Variants in PIK3AP1 observed in about 807,000 individuals in gnomAD.
PIK3AP1 encodes the protein phosphoinositide 3-kinase adapter protein 1.
In PIK3AP1, 21 loss-of-function variants were observed where a neutral mutation model predicts 88.1. That is an observed-to-expected ratio of 0.24 (90% CI 0.17 to 0.34). The LOEUF (loss-of-function observed/expected upper bound fraction) is 0.34. Among genes scored for constraint, PIK3AP1 ranks in the 10% least tolerant of loss-of-function variants. The pLI is 1.00. For synonymous variants in PIK3AP1, 398 were observed against 400.0 expected (o/e 1.00, Z 0.06); for missense variants, 828 against 1,035.7 (o/e 0.80, Z 2.75).
chr10:96,604,332 C>G (rs1848962205), intron 14 of PIK3AP1, among the ~76,000 whole-genome samples: 1 of 144,200 alleles, frequency 6.9e-6, no homozygotes, highest in South Asian at 2.2e-4. Flanking sequence ...TGTGTGCCAC[C>G]ACACCTAGCC....
At chr10:96,700,807 T>G (rs1401045704) in intron 2 of PIK3AP1, 1 of 985,494 alleles carries the variant, frequency 1.0e-6, no homozygotes, top group Non-Finnish European at 1.2e-6. Context: ...ACTTACCATC[T>G]GCGAGGCCAC....
intron 10 of PIK3AP1, among the ~76,000 whole-genome samples, chr10:96,626,133 AC>A (rs1181805118): frequency 6.6e-6 from 1 of 152,206 alleles, no homozygotes; most frequent in Non-Finnish European, 1.5e-5. Flanking sequence ...TCAGTATCTA[AC>A]TAATGTCCCA....
At chr10:96,601,077 T>C (rs1417921283) in intron 16 of PIK3AP1, among the ~76,000 whole-genome samples, 1 of 49,548 alleles carries the variant, frequency 2.0e-5, no homozygotes, top group African/African-American at 4.7e-5. Context: ...TCCTCTCCTG[T>C]ATAAAAAAAA....
intron 16 of PIK3AP1, among the ~76,000 whole-genome samples, chr10:96,596,718 C>T (rs898636616): frequency 1.3e-5 from 2 of 152,182 alleles, no homozygotes; most frequent in African/African-American, 4.8e-5. Flanking sequence ...AATGACATTC[C>T]AGTTAGACTA....
At chr10:96,697,956 T>C (rs1284403655) in intron 2 of PIK3AP1, among the ~76,000 whole-genome samples, 1 of 152,260 alleles carries the variant, frequency 6.6e-6, no homozygotes, top group Non-Finnish European at 1.5e-5. Flanking sequence ...TGTATCTTAG[T>C]TTTTTCTTTT....
At chr10:96,689,288 G>A (rs1413660685) in intron 2 of PIK3AP1, among the ~76,000 whole-genome samples, 3 of 151,870 alleles carry the variant, frequency 2.0e-5, no homozygotes, top group Non-Finnish European at 4.4e-5. Context: ...CTCCTGGCCG[G>A]GTGTGGTGGC....
chr10:96,607,969 T>C (rs1349971177), intron 14 of PIK3AP1, among the ~76,000 whole-genome samples: 1 of 152,216 alleles, frequency 6.6e-6, no homozygotes, highest in Non-Finnish European at 1.5e-5. Context: ...GGGTGCAGAC[T>C]ACAGCCACAA....
intron 13 of PIK3AP1, 63 bp from the exon 14 acceptor site, chr10:96,609,930 C>T (rs1308916916): frequency 2.7e-5 from 42 of 1,541,258 alleles, no homozygotes; most frequent in Non-Finnish European, 3.5e-5. Flanking sequence ...CCAAGCTGCT[C>T]AGCAGCTTCC....
chr10:96,704,488 C>A (rs1175510679), intron 2 of PIK3AP1, among the ~76,000 whole-genome samples: 1 of 152,134 alleles, frequency 6.6e-6, no homozygotes, highest in African/African-American at 2.4e-5. Flanking sequence ...GAGGCTGAGG[C>A]AGGCAGATCA....
Position 96,594,445 on chromosome 10 carries a change from A to G in PIK3AP1, c.*1132T>C, listed in dbSNP as rs1005366866. ...CAACATACTTCTTGGCATGCAGCAA[A>G]TTCAAGTTTTGCTTTTTGAAACTTT... On this transcript the variant is annotated 3_prime_UTR_variant, in exon 17 of 17. Coordinates refer to ENST00000339364, the MANE Select transcript of PIK3AP1 (RefSeq NM_152309.3). The surrounding 1 kb of genome is among the most constrained non-coding windows in gnomAD (Gnocchi z 4.6). The G allele has an allele frequency of 1.3e-5, 2 of 152,234 alleles. No homozygotes were observed. Among genetic ancestry groups the G allele is most frequent in the African/African-American group, 4.8e-5 (2 of 41,458 alleles). The allele number at this position is 152,234 out of a possible 1,614,324, so 9.4% of individuals were successfully genotyped here. A position where few individuals can be genotyped will look rare whatever the true frequency, so the allele number is the denominator to read the frequency against.
intron 8 of PIK3AP1, among the ~76,000 whole-genome samples, chr10:96,629,889 G>A (rs1311983767): frequency 2.9e-4 from 10 of 34,910 alleles, no homozygotes; most frequent in African/African-American, 7.5e-4. Context: ...GCAAGACCCT[G>A]TCTCAATAAC....
At chr10:96,671,264 G>A (rs887333226) in intron 2 of PIK3AP1, among the ~76,000 whole-genome samples, 1 of 152,208 alleles carries the variant, frequency 6.6e-6, no homozygotes, top group African/African-American at 2.4e-5. Flanking sequence ...GGAGGTGAGA[G>A]GCTTGCAATG....
At chr10:96,642,417 T>C (rs7099800) in intron 8 of PIK3AP1, among the ~76,000 whole-genome samples, 133,483 of 137,222 alleles carry the variant, frequency 0.97, 64,947 homozygotes, top group South Asian at 1. Context: ...TAGAGCCAGA[T>C]GTTGTCTCAA....
At chr10:96,624,414 T>A (rs1843127175) in intron 10 of PIK3AP1, among the ~76,000 whole-genome samples, 1 of 152,226 alleles carries the variant, frequency 6.6e-6, no homozygotes, top group African/African-American at 2.4e-5. Context: ...TCTGTATTAT[T>A]TCATCTGACC....
intron 2 of PIK3AP1, among the ~76,000 whole-genome samples, chr10:96,674,600 T>C (rs1843891595): frequency 6.6e-6 from 1 of 152,208 alleles, no homozygotes; most frequent in Admixed American, 6.5e-5. Context: ...GCTTAGAATA[T>C]AGTGAGAAAT....
intron 2 of PIK3AP1, among the ~76,000 whole-genome samples, chr10:96,693,951 A>G (rs181099998): frequency 5.9e-5 from 9 of 152,334 alleles, no homozygotes; most frequent in Non-Finnish European, 1.3e-4. Context: ...CCCTGCCTGA[A>G]AGCCATAGTT....
At chr10:96,714,662 T>C (rs1304981414) in intron 1 of PIK3AP1, among the ~76,000 whole-genome samples, 2 of 152,204 alleles carry the variant, frequency 1.3e-5, no homozygotes, top group Non-Finnish European at 2.9e-5. Context: ...GCCTGGAGCA[T>C]CTTGTAGTGC....
intron 2 of PIK3AP1, among the ~76,000 whole-genome samples, chr10:96,662,059 AAATGAGCAAGACTTGATAATATAAATTT>A (rs1386040509): frequency 6.6e-6 from 1 of 152,250 alleles, no homozygotes; most frequent in Non-Finnish European, 1.5e-5. Flanking sequence ...ATCACAATCT[AAATGAGCAAGACTTGATAATATAAATTT>A]AAAACTTTAG....
intron 2 of PIK3AP1, among the ~76,000 whole-genome samples, chr10:96,660,982 C>T (rs138451835): frequency 0.019 from 2,934 of 152,114 alleles, 96 homozygotes; most frequent in African/African-American, 0.059. Flanking sequence ...GTCAGGAGTT[C>T]GAGACCAGCC....
Sources: gnomAD v4.1 joint callset for allele counts (sites outside exome capture counted in the v4.1 genomes callset) on GRCh38, gnomAD v4.1.1 for gene constraint, Gnocchi (gnomAD v3.1) non-coding constraint, MANE v1.5 for transcripts, NCBI Gene and HGNC (gene_info 2026-07-23, HGNC 2026-07-21) for gene names.